The following RNLS variants were observed in gnomAD, a reference collection of about 807,000 sequenced individuals.
The protein encoded by RNLS is renalase, FAD dependent amine oxidase, also known as renalase.
A neutral mutation model predicts 39.8 loss-of-function variants in RNLS; 39 were observed. The observed-to-expected ratio is 0.98, with a 90% CI of 0.76 to 1.28. The LOEUF is 1.28. RNLS is among the 50% of genes most tolerant of loss of function. The pLI is 0.00. For synonymous variants in RNLS, 147 were observed against 150.7 expected (o/e 0.98, Z 0.18); for missense variants, 410 against 413.3 (o/e 0.99, Z 0.07).
chr10:88,399,917 A>T (rs1370010457), intron 4 of RNLS, among the ~76,000 whole-genome samples: 1 of 151,990 alleles, frequency 6.6e-6, no homozygotes, highest in Non-Finnish European at 1.5e-5. Flanking sequence ...TCCCAGAAGG[A>T]TCTAAGGGAG....
intron 5 of RNLS, among the ~76,000 whole-genome samples, chr10:88,356,043 G>A (rs528091375): frequency 6.6e-6 from 1 of 152,326 alleles, no homozygotes; most frequent in East Asian, 1.9e-4. Flanking sequence ...ATCTCCTGGT[G>A]TGCCGTTTGC....
chr10:88,396,148 G>T (rs974396849), intron 4 of RNLS, among the ~76,000 whole-genome samples: 6 of 151,958 alleles, frequency 3.9e-5, no homozygotes, highest in Non-Finnish European at 8.8e-5. Context: ...TCCATATGAA[G>T]AAATAAAGAA....
At chr10:88,410,220 AAAAAT>A (rs1195218669) in intron 4 of RNLS, among the ~76,000 whole-genome samples, 10 of 152,138 alleles carry the variant, frequency 6.6e-5, no homozygotes, top group African/African-American at 2.4e-4. Flanking sequence ...ATAAGTTTTT[AAAAAT>A]ATTCATAGTT....
downstream of RNLS, among the ~76,000 whole-genome samples, chr10:88,283,786 C>A (rs1034310045): frequency 1.3e-5 from 2 of 151,760 alleles, no homozygotes; most frequent in Admixed American, 1.3e-4. Flanking sequence ...ATACAGGGGA[C>A]AACAGAAAGT....
At chr10:88,508,538 A>G (rs1011994609) in intron 4 of RNLS, among the ~76,000 whole-genome samples, 2 of 152,264 alleles carry the variant, frequency 1.3e-5, no homozygotes, top group South Asian at 4.1e-4. Context: ...AATGACCTTT[A>G]TTAGTGTTTT....
intron 4 of RNLS, among the ~76,000 whole-genome samples, chr10:88,404,140 T>C (rs1853120996): frequency 6.6e-6 from 1 of 152,142 alleles, no homozygotes; most frequent in Non-Finnish European, 1.5e-5. Flanking sequence ...AGCAGTTTTC[T>C]GTTAAATTCC....
chr10:88,510,512 TC>T (rs1846057059), intron 4 of RNLS, among the ~76,000 whole-genome samples: 2 of 152,068 alleles, frequency 1.3e-5, no homozygotes, highest in Admixed American at 1.3e-4. Context: ...TGTAAGTATC[TC>T]TATTATAAAT....
the RNLS span, among the ~76,000 whole-genome samples, chr10:88,179,128 T>A: frequency 1.3e-5 from 2 of 152,182 alleles, no homozygotes; most frequent in Non-Finnish European, 2.9e-5. Flanking sequence ...AAATAAATTA[T>A]GTGGAATGTT....
Position 88,284,714 on chromosome 10 carries a change from A to G in RNLS, c.*640T>C. 1 of 985,404 alleles carries G rather than the reference A, an allele frequency of 1.0e-6. No homozygotes were observed. Among genetic ancestry groups the G allele is most frequent in the African/African-American group, 1.7e-5 (1 of 57,372 alleles). 61.0% of individuals were successfully genotyped at this position (985,404 alleles called of 1,614,324 possible). A position where few individuals can be genotyped will look rare whatever the true frequency, so the allele number is the denominator to read the frequency against. ...GGAATTTGTTTGAAAGTTAAAAAGT[A>G]CTGTGTGGCTGGGAAAATCATGTGG... On this transcript the variant is annotated 3_prime_UTR_variant, in exon 7 of 7. Transcript: ENST00000331772.
At chr10:88,339,882 A>C (rs1847805575) in intron 5 of RNLS, among the ~76,000 whole-genome samples, 1 of 152,224 alleles carries the variant, frequency 6.6e-6, no homozygotes, top group Non-Finnish European at 1.5e-5. Context: ...GCAGAAGCTG[A>C]TGTTGGGCTG....
chr10:88,502,465 A>G lies in RNLS; in HGVS notation c.526+70438T>C, dbSNP rs1845558116. On this transcript the variant is annotated intron_variant, in intron 4 of 6. Coordinates refer to ENST00000331772, the MANE Select transcript of RNLS (RefSeq NM_001031709.3). Reference sequence around the variant, plus strand: ...TCTCTAATGCATCCTCAGTCTCTACATGATCCCCTTGCACAGGGCTGCTCC... The same window carrying G: ...TCTCTAATGCATCCTCAGTCTCTACGTGATCCCCTTGCACAGGGCTGCTCC... Among the ~76,000 whole-genome samples, 5 of 152,248 alleles carry G rather than the reference A, an allele frequency of 3.3e-5. No homozygotes were observed. In the South Asian group the frequency reaches 1.0e-3, roughly 32 times the overall value.
chr10:88,262,681 C>G, the RNLS span, among the ~76,000 whole-genome samples: 2 of 152,096 alleles, frequency 1.3e-5, no homozygotes, highest in African/African-American at 4.8e-5. Context: ...AAATTTGTAA[C>G]CCAGAGAAAA....
intron 3 of RNLS, among the ~76,000 whole-genome samples, chr10:88,580,990 C>T (rs2765446): frequency 0.29 from 43,707 of 151,826 alleles, 6,607 homozygotes; most frequent in East Asian, 0.53. Context: ...TAAAGATATG[C>T]TTCCAAAAGC....
At chr10:88,247,311 T>C in the RNLS span, among the ~76,000 whole-genome samples, 1 of 152,184 alleles carries the variant, frequency 6.6e-6, no homozygotes, top group Non-Finnish European at 1.5e-5. Context: ...AAGTGACATA[T>C]ACTTAGGAGT....
chr10:88,394,477 A>G (rs1227503251), intron 4 of RNLS, among the ~76,000 whole-genome samples: 1 of 152,254 alleles, frequency 6.6e-6, no homozygotes, highest in African/African-American at 2.4e-5. Context: ...AAAAATGCAA[A>G]TCAAAACCAC....
At chr10:88,270,542 G>A (rs1409287502), downstream of RNLS, among the ~76,000 whole-genome samples, 1 of 152,162 alleles carries the variant, frequency 6.6e-6, no homozygotes, top group East Asian at 1.9e-4. Flanking sequence ...AGAAACCTAA[G>A]TTTCAGCTGC....
intron 4 of RNLS, among the ~76,000 whole-genome samples, chr10:88,395,627 T>C (rs535421706): frequency 6.6e-6 from 1 of 152,090 alleles, no homozygotes; most frequent in African/African-American, 2.4e-5. Context: ...CCATCAAATA[T>C]ATGCACAGTG....
intron 5 of RNLS, among the ~76,000 whole-genome samples, chr10:88,315,743 T>TTG (rs1382791427): frequency 6.6e-6 from 1 of 151,780 alleles, no homozygotes; most frequent in Admixed American, 6.6e-5. Context: ...TTCAGGTTTT[T>TTG]TTTTTTTTTT....
At chr10:88,258,550 T>C in the RNLS span, among the ~76,000 whole-genome samples, 1 of 152,206 alleles carries the variant, frequency 6.6e-6, no homozygotes, top group Non-Finnish European at 1.5e-5. Flanking sequence ...GCATATAAAC[T>C]GTCTAATCAT....
Sources: allele counts gnomAD v4.1 joint callset (sites outside exome capture counted in the v4.1 genomes callset), GRCh38; gene constraint gnomAD v4.1.1; transcripts MANE v1.5; gene names NCBI Gene and HGNC (gene_info 2026-07-23, HGNC 2026-07-21).